Variants in GRK5 observed in about 807,000 individuals in gnomAD.
GRK5 encodes G protein-coupled receptor kinase 5.
Under a neutral mutation model 78.4 loss-of-function variants are expected in GRK5, and 40 were observed. The observed-to-expected ratio is 0.51, with a 90% CI of 0.40 to 0.66. The LOEUF (loss-of-function observed/expected upper bound fraction) is 0.66. Ranked by LOEUF, GRK5 falls within the 30% of genes least tolerant of loss-of-function variation. GRK5 has a pLI of 0.00. For synonymous variants in GRK5, 289 were observed against 296.8 expected (o/e 0.97, Z 0.27); for missense variants, 598 against 759.9 (o/e 0.79, Z 2.50).
chr10:119,389,788 A>C (rs1851857677), intron 3 of GRK5, among the ~76,000 whole-genome samples: 1 of 149,116 alleles, frequency 6.7e-6, no homozygotes, highest in Non-Finnish European at 1.5e-5. Context: ...GTCAGCACCC[A>C]GAGATCATGA....
chr10:119,254,269 C>T lies in GRK5; in HGVS notation c.52+46300C>T, dbSNP rs184715940. Among the ~76,000 whole-genome samples, 384 of 152,330 alleles carry T rather than the reference C, an allele frequency of 2.5e-3. 2 individuals are homozygous for T. The highest frequency in any genetic ancestry group is 8.3e-3 in the African/African-American group (344 of 41,566). On this transcript the variant is annotated intron_variant, in intron 1 of 15. Coordinates refer to ENST00000392870, the MANE Select transcript of GRK5 (RefSeq NM_005308.3). ...TGAGGGCCAGAGAGGACCTATGACC[C>T]TCCCAGGGTTGCACAGCTAGAACTC...
At chr10:119,392,028 G>A (rs967433481) in intron 3 of GRK5, among the ~76,000 whole-genome samples, 3 of 152,160 alleles carry the variant, frequency 2.0e-5, no homozygotes, top group Admixed American at 1.3e-4. Context: ...ACCTAGGGCC[G>A]GCTTCTTTGA....
chr10:119,245,271 T>G (rs566117246), intron 1 of GRK5, among the ~76,000 whole-genome samples: 1 of 152,156 alleles, frequency 6.6e-6, no homozygotes, highest in East Asian at 1.9e-4. Flanking sequence ...AGCAAGACTC[T>G]TTCTTAAAAA....
chr10:119,433,369 C>G (rs1481070666), intron 8 of GRK5, among the ~76,000 whole-genome samples: 2 of 152,204 alleles, frequency 1.3e-5, no homozygotes. Context: ...CTGGCGGGTT[C>G]TGCTCAGGGA....
chr10:119,243,566 C>CTTTCTTT lies in GRK5; in HGVS notation c.52+35600_52+35601insCTTTTTT, dbSNP rs751972415. 4.1e-5 allele frequency among the ~76,000 whole-genome samples: 6 copies of CTTTCTTT among 148,004 alleles called. No individual in the cohort carries two copies. In the South Asian group the frequency reaches 6.4e-4, roughly 16 times the overall value. ...GATTCAAACAATGTTCCCAGTTTTT[C>CTTTCTTT]TTTTTTTTTTTTTTTTTCTTTCTGT... is the stretch of plus-strand genomic sequence containing the variant. On this transcript the variant is annotated intron_variant, in intron 1 of 15. Coordinates refer to ENST00000392870, the MANE Select transcript of GRK5 (RefSeq NM_005308.3).
At chr10:119,392,903 G>A (rs1851907946) in intron 3 of GRK5, among the ~76,000 whole-genome samples, 1 of 152,168 alleles carries the variant, frequency 6.6e-6, no homozygotes, top group Non-Finnish European at 1.5e-5. Context: ...AAAATTCTGG[G>A]TTGTTGGCAC....
At chr10:119,416,653 C>T (rs768722539) in intron 4 of GRK5, among the ~76,000 whole-genome samples, 1 of 151,788 alleles carries the variant, frequency 6.6e-6, no homozygotes, top group Non-Finnish European at 1.5e-5. Context: ...TGCAGTGGCT[C>T]AGTGATCTCG....
intron 1 of GRK5, among the ~76,000 whole-genome samples, chr10:119,258,008 G>A (rs1055285138): frequency 2.6e-5 from 4 of 152,044 alleles, no homozygotes; most frequent in African/African-American, 4.8e-5. Context: ...ATAGTTCTGC[G>A]TGTTGTAACT....
intron 2 of GRK5, among the ~76,000 whole-genome samples, chr10:119,358,018 A>C (rs1665588395): frequency 6.6e-6 from 1 of 152,152 alleles, no homozygotes; most frequent in Non-Finnish European, 1.5e-5. Flanking sequence ...GAGAGGCCTC[A>C]GTATGGAAAG....
chr10:119,456,626 C>G lies in GRK5; in HGVS notation c.*1559C>G, dbSNP rs1370486685. On this transcript the variant is annotated 3_prime_UTR_variant, in exon 16 of 16. Coordinates refer to ENST00000392870, the MANE Select transcript of GRK5 (RefSeq NM_005308.3). This position sits in a 1 kb window ranked among gnomAD's most constrained non-coding sequence, Gnocchi z 5.5. ...GGTCTCTCACCATGTGGACCCTGCCCTAGCTGCAGCTGCACCTCCTGTCAA... is the reference window on the plus strand; with the variant it reads ...GGTCTCTCACCATGTGGACCCTGCCGTAGCTGCAGCTGCACCTCCTGTCAA... The G allele has an allele frequency of 6.6e-6, 1 of 152,252 alleles. No individual in the cohort carries two copies. The highest frequency in any genetic ancestry group is 1.9e-4 in the East Asian group (1 of 5,200). The allele number at this position is 152,252 out of a possible 1,614,324, so 9.4% of individuals were successfully genotyped here. A position where few individuals can be genotyped will look rare whatever the true frequency, so the allele number is the denominator to read the frequency against.
intron 1 of GRK5, among the ~76,000 whole-genome samples, chr10:119,268,497 G>A (rs561298736): frequency 8.3e-4 from 126 of 152,274 alleles, no homozygotes; most frequent in African/African-American, 2.9e-3. Flanking sequence ...GTGATTTAGT[G>A]GTTAAATGCC....
At chr10:119,256,544 G>C (rs1317159009) in intron 1 of GRK5, among the ~76,000 whole-genome samples, 2 of 152,224 alleles carry the variant, frequency 1.3e-5, no homozygotes, top group East Asian at 3.9e-4. Context: ...TGCTCTCTGG[G>C]TACATGGAGT....
chr10:119,362,309 C>T (rs1370478739), intron 2 of GRK5, among the ~76,000 whole-genome samples: 1 of 152,248 alleles, frequency 6.6e-6, no homozygotes, highest in African/African-American at 2.4e-5. Flanking sequence ...TAGGATCACC[C>T]TTTGCCTGTG....
intron 3 of GRK5, 138 bp from the exon 4 acceptor site, chr10:119,396,557 C>A (rs188867286): frequency 2.6e-5 from 18 of 687,234 alleles, no homozygotes; most frequent in South Asian, 3.7e-5. Flanking sequence ...GGTCTTCCCC[C>A]CCGGTTTCCT....
At chr10:119,440,246 C>T (rs981912694) in intron 10 of GRK5, among the ~76,000 whole-genome samples, 4 of 152,114 alleles carry the variant, frequency 2.6e-5, no homozygotes, top group African/African-American at 9.7e-5. Context: ...TCAGTCTAGC[C>T]AGCTGTAAAT....
chr10:119,361,960 CAAAAAAAAAAAAAAAAA>C (rs71016566), intron 2 of GRK5, among the ~76,000 whole-genome samples: 1 of 85,656 alleles, frequency 1.2e-5, no homozygotes, highest in Non-Finnish European at 2.4e-5. Flanking sequence ...GACTCTATCT[CAAAAAAAAAAAAAAAAA>C]AAAAAAAAAA....
At chr10:119,447,904 A>G (rs1853187753) in intron 12 of GRK5, among the ~76,000 whole-genome samples, 1 of 152,212 alleles carries the variant, frequency 6.6e-6, no homozygotes, top group Non-Finnish European at 1.5e-5. Flanking sequence ...TGAGAGAAAC[A>G]AGATTCCTGC....
chr10:119,393,794 C>T (rs774776731), intron 3 of GRK5, among the ~76,000 whole-genome samples: 5 of 152,208 alleles, frequency 3.3e-5, no homozygotes. Context: ...CTAATAATAC[C>T]TACCATGTAG....
intron 1 of GRK5, among the ~76,000 whole-genome samples, chr10:119,223,288 G>A (rs1848685772): frequency 6.6e-6 from 1 of 152,122 alleles, no homozygotes; most frequent in East Asian, 1.9e-4. Context: ...ATGTTAACTT[G>A]ATTACCTCCA....
Sources: allele counts gnomAD v4.1 joint callset (sites outside exome capture counted in the v4.1 genomes callset), GRCh38; gene constraint gnomAD v4.1.1; non-coding constraint Gnocchi (gnomAD v3.1); transcripts MANE v1.5; gene names NCBI Gene and HGNC (gene_info 2026-07-23, HGNC 2026-07-21).